The following NAA60 variants were observed in gnomAD, a reference collection of about 807,000 sequenced individuals.
NAA60 encodes the protein N-alpha-acetyltransferase 60.
Under a neutral mutation model 26.1 loss-of-function variants are expected in NAA60, and 8 were observed. The ratio of observed to expected loss-of-function variants is 0.31; its 90% CI spans 0.18 to 0.55. NAA60 has a LOEUF of 0.55. Ranked by LOEUF, NAA60 falls within the 20% of genes least tolerant of loss-of-function variation. The pLI, the probability that NAA60 is intolerant of heterozygous loss-of-function variation, is 0.93. For missense variants in NAA60, 290 were observed against 311.3 expected (o/e 0.93, Z 0.51); for synonymous variants, 131 against 122.5 (o/e 1.07, Z -0.46).
At chr16:3,470,959 C>G (rs79630269) in intron 2 of NAA60, among the ~76,000 whole-genome samples, 1 of 143,682 alleles carries the variant, frequency 7.0e-6, no homozygotes, top group African/African-American at 2.8e-5. Context: ...TTAGGTGTGA[C>G]GCGTTTCCAT....
chr16:3,483,693 T>C, intron 6 of NAA60, 96 bp downstream of exon 6: 1 of 948,400 alleles, frequency 1.1e-6, no homozygotes, highest in Non-Finnish European at 1.6e-6. Context: ...CCTCAGATGA[T>C]GTTCAGGTGG....
At chr16:3,455,390 T>G (rs1223380933) in intron 2 of NAA60, among the ~76,000 whole-genome samples, 2 of 142,060 alleles carry the variant, frequency 1.4e-5, no homozygotes, top group African/African-American at 2.7e-5. Context: ...TTTTTAGTTT[T>G]TTTTTTTTTT....
intron 2 of NAA60, among the ~76,000 whole-genome samples, chr16:3,452,533 G>A (rs976767986): frequency 1.3e-5 from 2 of 151,872 alleles, no homozygotes; most frequent in African/African-American, 2.4e-5. Flanking sequence ...GCAGGTGCCT[G>A]TAGTCCCAGC....
intron 1 of NAA60, 71 bp downstream of exon 1, chr16:3,443,908 G>C: frequency 6.8e-7 from 1 of 1,472,986 alleles, no homozygotes; most frequent in Non-Finnish European, 9.0e-7. Flanking sequence ...TTGAGAGGGC[G>C]GGGGTTCGGG....
rs2035093440 is a variant in NAA60, at chr16:3,458,039, G to C, written c.-7+9499G>C. On this transcript the variant is annotated intron_variant, in intron 2 of 7. Transcript: ENST00000407558. Reference sequence around the variant, plus strand: ...GGAGCGGGAGGCGGAAGTGCCGCGGGCTGCCGCCTCCGTCCCGGCTGCGGC... The same window carrying C: ...GGAGCGGGAGGCGGAAGTGCCGCGGCCTGCCGCCTCCGTCCCGGCTGCGGC... 7.1e-6 allele frequency: 7 copies of C among 985,268 alleles called. No individual in the cohort carries two copies. The South Asian group carries it at 3.3e-4, about 46-fold the overall frequency. The allele number at this position is 985,268 out of a possible 1,614,324, so 61.0% of individuals were successfully genotyped here.
At chr16:3,455,996 C>G (rs143739245) in intron 2 of NAA60, among the ~76,000 whole-genome samples, 318 of 152,146 alleles carry the variant, frequency 2.1e-3, no homozygotes, top group African/African-American at 7.3e-3. Flanking sequence ...TGAGCCACCG[C>G]GCCCTGCCCA....
Position 3,472,587 on chromosome 16 carries a change from T to G in NAA60, c.-6-3635T>G, listed in dbSNP as rs575478749. ...AACTGGGATTACAGGTGCCTGCCAC[T>G]GCGCCCAGCTAATTTTTTTGTATTT... is the stretch of plus-strand genomic sequence containing the variant. On this transcript the variant is annotated intron_variant, in intron 2 of 7. Coordinates refer to ENST00000407558, the MANE Select transcript of NAA60 (RefSeq NM_001083601.3). 7.9e-5 allele frequency among the ~76,000 whole-genome samples: 12 copies of G among 152,198 alleles called. No homozygotes were observed. The South Asian group carries it at 2.1e-3, about 26-fold the overall frequency.
Position 3,448,488 on chromosome 16 carries a change from C to T in NAA60, c.-59C>T. 1 of 1,535,458 alleles carries T rather than the reference C, an allele frequency of 6.5e-7. No individual in the cohort carries two copies. Among genetic ancestry groups the T allele is most frequent in the Non-Finnish European group, 8.7e-7 (1 of 1,146,842 alleles). ...CCCTGCAGCATACAGAAAGGCTGTA[C>T]CTGGAGGAAGGAAGTGCGGAGCCAG... On this transcript the variant is annotated 5_prime_UTR_variant, in exon 2 of 8. Transcript: ENST00000407558.
rs550021736 is a variant in NAA60, at chr16:3,475,554, G to A, written c.-6-668G>A. On this transcript the variant is annotated intron_variant, in intron 2 of 7. Transcript: ENST00000407558. Reference sequence around the variant, plus strand: ...ATAAAACAGGGGGGCTGCTCCTCCCGCCCCTGGATTGGATGCACTTTCCTG... The same window carrying A: ...ATAAAACAGGGGGGCTGCTCCTCCCACCCCTGGATTGGATGCACTTTCCTG... Among the ~76,000 whole-genome samples, 7 of 152,026 alleles carry A rather than the reference G, an allele frequency of 4.6e-5. No individual in the cohort carries two copies. The East Asian group carries it at 5.8e-4, about 13-fold the overall frequency.
chr16:3,484,603 GCA>G, intron 6 of NAA60, 94 bp from the exon 7 acceptor site: 1 of 1,479,912 alleles, frequency 6.8e-7, no homozygotes, highest in Non-Finnish European at 9.1e-7. Flanking sequence ...CTTGCCATCT[GCA>G]CACAGTCCCA....
At chr16:3,453,375 CAG>C (rs2034858613) in intron 2 of NAA60, among the ~76,000 whole-genome samples, 1 of 152,072 alleles carries the variant, frequency 6.6e-6, no homozygotes, top group Admixed American at 6.6e-5. Context: ...GCCTGGGCAA[CAG>C]AGTGAGACTC....
At chr16:3,461,400 C>G (rs1252925389) in intron 2 of NAA60, among the ~76,000 whole-genome samples, 1 of 152,076 alleles carries the variant, frequency 6.6e-6, no homozygotes, top group Non-Finnish European at 1.5e-5. Context: ...TGCCACAGCT[C>G]TAAGCTGAGA....
intron 2 of NAA60, chr16:3,468,287 G>T (rs1259523809): frequency 6.6e-6 from 1 of 152,210 alleles, no homozygotes; most frequent in Non-Finnish European, 1.5e-5. Context: ...AAGCAGGTCG[G>T]TGTGAAGGGA....
intron 2 of NAA60, among the ~76,000 whole-genome samples, chr16:3,468,497 T>C (rs1481027559): frequency 1.3e-5 from 2 of 152,266 alleles, no homozygotes; most frequent in East Asian, 3.9e-4. Context: ...TGCCAGTCCT[T>C]GGAGGAAAGC....
At chr16:3,468,889 A>G (rs550228666) in intron 2 of NAA60, among the ~76,000 whole-genome samples, 2 of 152,180 alleles carry the variant, frequency 1.3e-5, no homozygotes, top group Non-Finnish European at 2.9e-5. Flanking sequence ...CCTGGCCAAC[A>G]TTGGCCTGAC....
chr16:3,476,553 G>T (rs1056281516), intron 3 of NAA60, among the ~76,000 whole-genome samples: 5 of 152,200 alleles, frequency 3.3e-5, no homozygotes, highest in African/African-American at 7.2e-5. Flanking sequence ...TCCCCAGAAG[G>T]GCTCTGTGAG....
chr16:3,477,487 GC>G (rs2036552275), intron 3 of NAA60, among the ~76,000 whole-genome samples: 1 of 152,232 alleles, frequency 6.6e-6, no homozygotes, highest in African/African-American at 2.4e-5. Flanking sequence ...ATGTGGGCTG[GC>G]GGTGGCAACA....
intron 2 of NAA60, among the ~76,000 whole-genome samples, chr16:3,459,580 A>C (rs2035240300): frequency 6.6e-6 from 1 of 152,174 alleles, no homozygotes; most frequent in Non-Finnish European, 1.5e-5. Context: ...TTCTACATTA[A>C]TGTGCAGATC....
chr16:3,449,055 T>C (rs1031332808), intron 2 of NAA60: 3 of 152,418 alleles, frequency 2.0e-5, no homozygotes, highest in Admixed American at 1.3e-4. Context: ...GTTAAAAATT[T>C]ATTTTTCATT....
Sources: allele counts gnomAD v4.1 joint callset (sites outside exome capture counted in the v4.1 genomes callset), GRCh38; gene constraint gnomAD v4.1.1; transcripts MANE v1.5; gene names NCBI Gene and HGNC (gene_info 2026-07-23, HGNC 2026-07-21).